REDIC1: variants seen among roughly 807,000 people sequenced by gnomAD.
REDIC1 encodes HEI10 Interacting Protein 1.
the REDIC1 span, among the ~76,000 whole-genome samples, chr12:39,749,736 A>C: frequency 6.6e-6 from 1 of 152,242 alleles, no homozygotes; most frequent in Non-Finnish European, 1.5e-5. Flanking sequence ...AGTGGGCTTC[A>C]TCCCTGGGAT....
At chr12:39,723,968 T>C in the REDIC1 span, among the ~76,000 whole-genome samples, 1 of 152,174 alleles carries the variant, frequency 6.6e-6, no homozygotes, top group Non-Finnish European at 1.5e-5. Flanking sequence ...ATGCTATCTG[T>C]GCCCAGCTCA....
the REDIC1 span, among the ~76,000 whole-genome samples, chr12:39,732,400 T>A: frequency 1.3e-5 from 2 of 152,208 alleles, no homozygotes; most frequent in African/African-American, 4.8e-5. Flanking sequence ...GTTAGTGGTG[T>A]GTGTTTTTTC....
the REDIC1 span, among the ~76,000 whole-genome samples, chr12:39,729,545 C>T: frequency 4.2e-4 from 64 of 152,240 alleles, no homozygotes; most frequent in African/African-American, 1.5e-3. Flanking sequence ...GATTTCCATT[C>T]TTTTGCATTT....
the REDIC1 span, among the ~76,000 whole-genome samples, chr12:39,895,371 T>C: frequency 6.6e-6 from 1 of 150,494 alleles, no homozygotes; most frequent in African/African-American, 2.4e-5. Flanking sequence ...GCACCTGTAG[T>C]CCCAGCTACT....
At chr12:39,713,862 CAT>C in the REDIC1 span, among the ~76,000 whole-genome samples, 3,000 of 147,458 alleles carry the variant, frequency 0.02, 39 homozygotes, top group Non-Finnish European at 0.028. Flanking sequence ...TATATACATA[CAT>C]ATATATGTAT....
the REDIC1 span, chr12:39,864,721 CCA>C: frequency 6.3e-7 from 1 of 1,599,600 alleles, no homozygotes; most frequent in East Asian, 2.3e-5. Context: ...AAAAAAGTTA[CCA>C]GAGTCATGTA....
the REDIC1 span, among the ~76,000 whole-genome samples, chr12:39,707,061 ACAAT>A: frequency 2.0e-5 from 3 of 151,944 alleles, no homozygotes; most frequent in Admixed American, 2.0e-4. Flanking sequence ...AATAAAGGAA[ACAAT>A]CAATAAAGAG....
At chr12:39,711,468 C>T in the REDIC1 span, among the ~76,000 whole-genome samples, 1 of 139,742 alleles carries the variant, frequency 7.2e-6, no homozygotes, top group Non-Finnish European at 1.6e-5. Flanking sequence ...TATACACATA[C>T]ATATATGTAT....
At chr12:39,640,064 T>G in the REDIC1 span, among the ~76,000 whole-genome samples, 2 of 151,792 alleles carry the variant, frequency 1.3e-5, no homozygotes, top group African/African-American at 4.8e-5. Context: ...CTAGGTTTTT[T>G]TTTTTTTTTT....
At chr12:39,806,532 G>A in the REDIC1 span, among the ~76,000 whole-genome samples, 23 of 152,224 alleles carry the variant, frequency 1.5e-4, no homozygotes, top group Non-Finnish European at 3.1e-4. Flanking sequence ...ATCACAAGAA[G>A]TCCACAAAAA....
the REDIC1 span, among the ~76,000 whole-genome samples, chr12:39,723,784 A>C: frequency 6.6e-6 from 1 of 152,020 alleles, no homozygotes; most frequent in Non-Finnish European, 1.5e-5. Context: ...GAAACAGTAC[A>C]TTTTTTTGGT....
the REDIC1 span, among the ~76,000 whole-genome samples, chr12:39,903,862 T>C: frequency 5.9e-5 from 9 of 152,076 alleles, no homozygotes; most frequent in African/African-American, 2.2e-4. Flanking sequence ...GAGTGGCCTC[T>C]TATATTTACT....
At chr12:39,872,011 C>A in the REDIC1 span, 2 of 1,428,824 alleles carry the variant, frequency 1.4e-6, no homozygotes, top group Non-Finnish European at 9.3e-7. Flanking sequence ...CCCAAAGAAA[C>A]AGGGTTATTT....
the REDIC1 span, among the ~76,000 whole-genome samples, chr12:39,794,010 A>C: frequency 1.3e-5 from 2 of 151,324 alleles, no homozygotes; most frequent in South Asian, 2.1e-4. Flanking sequence ...CTCTGAACCT[A>C]ATACCTACTT....
At chr12:39,628,592 C>A in the REDIC1 span, among the ~76,000 whole-genome samples, 2 of 152,110 alleles carry the variant, frequency 1.3e-5, no homozygotes, top group South Asian at 4.1e-4. Flanking sequence ...TCCTTCAGAA[C>A]AATTCCAGAG....
chr12:39,848,698 T>C, the REDIC1 span, among the ~76,000 whole-genome samples: 1 of 152,260 alleles, frequency 6.6e-6, no homozygotes, highest in Middle Eastern at 3.4e-3. Context: ...TGTAAAGCAT[T>C]CTACCATAAA....
At chr12:39,759,945 G>C in the REDIC1 span, 1 of 1,009,942 alleles carries the variant, frequency 9.9e-7, no homozygotes, top group Non-Finnish European at 1.5e-6. Flanking sequence ...AACCAGATTA[G>C]AAGCAGGGCA....
At chr12:39,846,501 G>A in the REDIC1 span, among the ~76,000 whole-genome samples, 1 of 152,178 alleles carries the variant, frequency 6.6e-6, no homozygotes, top group Non-Finnish European at 1.5e-5. Flanking sequence ...CACCCAGGGT[G>A]GGTGCAGTGG....
At chr12:39,753,538 A>C in the REDIC1 span, among the ~76,000 whole-genome samples, 2 of 152,186 alleles carry the variant, frequency 1.3e-5, no homozygotes, top group Non-Finnish European at 2.9e-5. Context: ...GAAGAAGGAC[A>C]TCAGGCTAGT....
Sources: gnomAD v4.1 joint callset for allele counts (sites outside exome capture counted in the v4.1 genomes callset) on GRCh38, gnomAD v4.1.1 for gene constraint, MANE v1.5 for transcripts, NCBI Gene and HGNC (gene_info 2026-07-23, HGNC 2026-07-21) for gene names.